FYB1: variants seen among roughly 807,000 people sequenced by gnomAD.
FYB1 encodes FYN binding protein 1, also known as FYN-binding protein 1.
In FYB1, 41 loss-of-function variants were observed where a neutral mutation model predicts 94.1. The observed-to-expected ratio is 0.44, with a 90% CI of 0.34 to 0.57. The LOEUF (loss-of-function observed/expected upper bound fraction) is 0.57, where lower values mean the gene tolerates loss of function less well. Among genes scored for constraint, FYB1 ranks in the 20% least tolerant of loss-of-function variants. The probability of loss-of-function intolerance (pLI) is 0.02; values close to 1 mark genes in which losing one functional copy is unlikely to be tolerated. For synonymous variants in FYB1, 367 were observed against 353.2 expected (o/e 1.04, Z -0.44); for missense variants, 1,050 against 976.8 (o/e 1.07, Z -1.00).
intron 1 of FYB1, among the ~76,000 whole-genome samples, chr5:39,226,130 G>A (rs1332240176): frequency 6.6e-6 from 1 of 152,154 alleles, no homozygotes; most frequent in African/African-American, 2.4e-5. Flanking sequence ...TGCGAGCTGA[G>A]GATTGGCTTT....
At chr5:39,177,083 C>T (rs1745802720) in intron 2 of FYB1, among the ~76,000 whole-genome samples, 1 of 152,194 alleles carries the variant, frequency 6.6e-6, no homozygotes, top group Admixed American at 6.5e-5. Flanking sequence ...GTCCTGGCAA[C>T]AGTAGAATAT....
rs1197685519 is a variant in FYB1, at chr5:39,162,680, CA to C, written c.1136-9077del. Among the ~76,000 whole-genome samples, 252 of 137,746 alleles carry C rather than the reference CA, an allele frequency of 1.8e-3. 1 individual carries two copies. The highest frequency in any genetic ancestry group is 2.6e-3 in the Non-Finnish European group (167 of 63,760). The allele number at this position is 137,746 out of a possible 152,430, so 90.4% of individuals were successfully genotyped here. ...AGCCTGGGCAACAGAGACGCCATCT[CA>C]AAAAAAAAAAGTTTTGGTAAGTAAT... On this transcript the variant is annotated intron_variant, in intron 2 of 18. Coordinates refer to ENST00000512982, the MANE Select transcript of FYB1 (RefSeq NM_001465.6).
intron 2 of FYB1, among the ~76,000 whole-genome samples, chr5:39,179,189 ATG>A (rs1018407670): frequency 2.0e-5 from 3 of 152,180 alleles, no homozygotes; most frequent in African/African-American, 7.2e-5. Context: ...TCATTTGTAG[ATG>A]AGGAAACATG....
intron 2 of FYB1, among the ~76,000 whole-genome samples, chr5:39,158,315 G>C (rs2150368866): frequency 6.6e-6 from 1 of 152,374 alleles, no homozygotes; most frequent in African/African-American, 2.4e-5. Flanking sequence ...ATGAGGAAAT[G>C]ACCAGGAGAG....
intron 2 of FYB1, among the ~76,000 whole-genome samples, chr5:39,183,387 A>G (rs957310852): frequency 2.0e-5 from 3 of 152,140 alleles, no homozygotes; most frequent in Admixed American, 1.3e-4. Context: ...GATACATTGG[A>G]CCTGTTAGTA....
At chr5:39,143,572 T>G (rs1742377417) in intron 3 of FYB1, among the ~76,000 whole-genome samples, 1 of 151,436 alleles carries the variant, frequency 6.6e-6, no homozygotes, top group East Asian at 2.0e-4. Context: ...CACAAAAATA[T>G]GATTATATCA....
At chr5:39,124,864 C>G (rs1441286978) in intron 12 of FYB1, among the ~76,000 whole-genome samples, 1 of 151,396 alleles carries the variant, frequency 6.6e-6, no homozygotes, top group Non-Finnish European at 1.5e-5. Context: ...TTGGCTGCAA[C>G]AGAAGAAGAC....
chr5:39,169,606 A>G (rs900840854), intron 2 of FYB1: 1 of 455,624 alleles, frequency 2.2e-6, no homozygotes, highest in Non-Finnish European at 4.3e-6. Flanking sequence ...GCACTTTGGG[A>G]GGCCGAGGCG....
rs533406048 is a variant in FYB1, at chr5:39,141,114, A to G, written c.1320T>C (p.Asp440=). Reference sequence around the variant, plus strand: ...GTTTACCATCAGAGTGCGTGACACCATCTTGATTGTCTTCATTGACAGGGC... The same window carrying G: ...GTTTACCATCAGAGTGCGTGACACCGTCTTGATTGTCTTCATTGACAGGGC... ...LKSPVNEDNQ[D]GVTHSDGAGN... The change falls in exon 4 of 19, where the codon GAT becomes GAC. Residue 440 remains aspartate, a synonymous_variant. Transcript: ENST00000512982. 24 of 1,592,972 alleles carry G rather than the reference A, an allele frequency of 1.5e-5. No homozygotes were observed. Among genetic ancestry groups the G allele is most frequent in the East Asian group, 2.3e-5 (1 of 44,436 alleles).
chr5:39,138,372 T>C lies in FYB1; in HGVS notation c.1394+285A>G, dbSNP rs1580360788. 1.4e-5 allele frequency: 4 copies of C among 288,012 alleles called. No individual in the cohort carries two copies. The East Asian group carries it at 2.9e-4, about 21-fold the overall frequency. 17.8% of individuals were successfully genotyped at this position (288,012 alleles called of 1,614,324 possible). A position where few individuals can be genotyped will look rare whatever the true frequency, so the allele number is the denominator to read the frequency against. On this transcript the variant is annotated intron_variant, in intron 6 of 18. Transcript: ENST00000512982. ...TTAACTCATCTGCCCAAGGATACAC[T>C]AAGAGTAAGAAATCAGATTTCTGTC...
intron 2 of FYB1, among the ~76,000 whole-genome samples, chr5:39,160,065 T>A (rs889562706): frequency 1.3e-5 from 2 of 152,218 alleles, no homozygotes; most frequent in Non-Finnish European, 2.9e-5. Flanking sequence ...TTGGATGGCC[T>A]CATGGAGAAG....
At chr5:39,242,149 T>TA (rs922681214) in intron 1 of FYB1, among the ~76,000 whole-genome samples, 9 of 152,004 alleles carry the variant, frequency 5.9e-5, no homozygotes, top group African/African-American at 2.2e-4. Flanking sequence ...TTCTTTTTTT[T>TA]ATTATTATAC....
upstream of FYB1, among the ~76,000 whole-genome samples, chr5:39,222,917 A>G (rs1750329339): frequency 6.6e-6 from 1 of 152,062 alleles, no homozygotes; most frequent in African/African-American, 2.4e-5. Flanking sequence ...CTTATAATCA[A>G]TAAAAGAGGG....
intron 2 of FYB1, among the ~76,000 whole-genome samples, chr5:39,181,846 C>A (rs1320356410): frequency 6.6e-6 from 1 of 152,174 alleles, no homozygotes; most frequent in African/African-American, 2.4e-5. Flanking sequence ...TGGATTACTA[C>A]ATGATCTCCT....
chr5:39,234,690 C>T lies in FYB1; in HGVS notation c.-27-31703G>A, dbSNP rs144868625. On this transcript the variant is annotated intron_variant, in intron 1 of 1. Transcript: ENST00000510188. The stretch of plus-strand genomic sequence containing the variant: ...GGATAAGGAAAATGTGGCACATATA[C>T]ACCATGGAATACTATGCAGCCATTA... 6.5e-3 allele frequency among the ~76,000 whole-genome samples: 994 copies of T among 152,236 alleles called. 15 individuals carry two copies. Among genetic ancestry groups the T allele is most frequent in the African/African-American group, 0.023 (943 of 41,520 alleles).
At chr5:39,236,069 T>C (rs970614140) in intron 1 of FYB1, among the ~76,000 whole-genome samples, 5 of 151,978 alleles carry the variant, frequency 3.3e-5, no homozygotes, top group Non-Finnish European at 7.4e-5. Flanking sequence ...ATGATATCTT[T>C]TAGTTTTCTA....
rs138662438 is a variant in FYB1, at chr5:39,231,246, G to T, written c.-27-28259C>A. 1.2e-3 allele frequency among the ~76,000 whole-genome samples: 175 copies of T among 151,134 alleles called. 2 individuals are homozygous for T. The highest frequency in any genetic ancestry group is 6.9e-3 in the Middle Eastern group (2 of 288). On this transcript the variant is annotated intron_variant, in intron 1 of 1. Coordinates refer to the FYB1 transcript ENST00000510188. ...GGGATTTCTGTGTTACCTTGGACAA[G>T]TCATGTCCCCATTTCCATCCTCAAT...
intron 1 of FYB1, among the ~76,000 whole-genome samples, chr5:39,230,973 G>A (rs1002267539): frequency 4.0e-5 from 6 of 151,586 alleles, no homozygotes; most frequent in African/African-American, 1.5e-4. Context: ...ATAATCTTGT[G>A]CAAATATCTT....
At chr5:39,108,072 C>T (rs563856959) in intron 18 of FYB1, among the ~76,000 whole-genome samples, 159 bp downstream of exon 18, 2 of 151,860 alleles carry the variant, frequency 1.3e-5, no homozygotes, top group South Asian at 4.1e-4. Context: ...GCGGTATTTT[C>T]CCCCCATTAT....
Sources: gnomAD v4.1 joint callset for allele counts (sites outside exome capture counted in the v4.1 genomes callset) on GRCh38, gnomAD v4.1.1 for gene constraint, MANE v1.5 for transcripts, NCBI Gene and HGNC (gene_info 2026-07-23, HGNC 2026-07-21) for gene names.